The following SGMS1 variants were observed in gnomAD, a reference collection of about 807,000 sequenced individuals.
SGMS1 encodes phosphatidylcholine:ceramide cholinephosphotransferase 1.
Under a neutral mutation model 46.2 loss-of-function variants are expected in SGMS1, and 13 were observed. The ratio of observed to expected loss-of-function variants is 0.28; its 90% CI spans 0.18 to 0.45. SGMS1 has a LOEUF of 0.45. Among genes scored for constraint, SGMS1 ranks in the 20% least tolerant of loss-of-function variants. The pLI is 1.00. For missense variants in SGMS1, 324 were observed against 519.9 expected (o/e 0.62, Z 3.66); for synonymous variants, 203 against 187.8 (o/e 1.08, Z -0.66).
intron 3 of SGMS1, among the ~76,000 whole-genome samples, chr10:50,496,245 C>T (rs1837614333): frequency 6.6e-6 from 1 of 152,190 alleles, no homozygotes; most frequent in African/African-American, 2.4e-5. Context: ...TTTAATGGCT[C>T]TAAATGTCTT....
At chr10:50,553,689 C>T (rs1004389804) in intron 2 of SGMS1, among the ~76,000 whole-genome samples, 7 of 152,140 alleles carry the variant, frequency 4.6e-5, no homozygotes, top group Admixed American at 3.3e-4. Context: ...ACTCAATAAA[C>T]TATGACAGCT....
At chr10:50,553,423 A>G (rs1047260466) in intron 2 of SGMS1, among the ~76,000 whole-genome samples, 1 of 152,184 alleles carries the variant, frequency 6.6e-6, no homozygotes, top group African/African-American at 2.4e-5. Context: ...AGTACTTAGT[A>G]TATTTCCTGA....
chr10:50,494,321 T>C (rs1158775881), intron 3 of SGMS1, among the ~76,000 whole-genome samples: 3 of 152,172 alleles, frequency 2.0e-5, no homozygotes, highest in Non-Finnish European at 2.9e-5. Context: ...TAAAGATACA[T>C]GCATGCCTTA....
chr10:50,589,902 G>C (rs947087928), intron 2 of SGMS1, among the ~76,000 whole-genome samples: 1 of 152,134 alleles, frequency 6.6e-6, no homozygotes, highest in African/African-American at 2.4e-5. Flanking sequence ...GGTCTTTCAG[G>C]GAAGAATATC....
At chr10:50,332,588 C>G (rs1564877568) in intron 7 of SGMS1, among the ~76,000 whole-genome samples, 1 of 147,572 alleles carries the variant, frequency 6.8e-6, no homozygotes, top group African/African-American at 2.5e-5. Flanking sequence ...CTCCCTTCAA[C>G]ATGACATCTC....
intron 6 of SGMS1, among the ~76,000 whole-genome samples, chr10:50,386,604 T>G (rs1330494652): frequency 6.6e-6 from 1 of 152,130 alleles, no homozygotes. Flanking sequence ...TGGAGCTTCA[T>G]GCTCTGGCTC....
chr10:50,407,233 A>G (rs1355175883), intron 6 of SGMS1, among the ~76,000 whole-genome samples: 1 of 152,202 alleles, frequency 6.6e-6, no homozygotes, highest in Non-Finnish European at 1.5e-5. Flanking sequence ...TAAGTGATAT[A>G]TCATAGAATG....
intron 2 of SGMS1, among the ~76,000 whole-genome samples, chr10:50,586,195 A>T (rs1249074522): frequency 6.6e-6 from 1 of 152,158 alleles, no homozygotes; most frequent in Non-Finnish European, 1.5e-5. Flanking sequence ...TATAATGATG[A>T]CTCTACTCTC....
At chr10:50,311,744 GTA>G (rs1299612774) in intron 8 of SGMS1, among the ~76,000 whole-genome samples, 1 of 152,184 alleles carries the variant, frequency 6.6e-6, no homozygotes, top group Non-Finnish European at 1.5e-5. Context: ...AATTGCTTTA[GTA>G]TAACTATCAT....
chr10:50,574,984 T>TATATATATATATATATATATATATATAA (rs1466751231), intron 2 of SGMS1, among the ~76,000 whole-genome samples: 2 of 144,746 alleles, frequency 1.4e-5, no homozygotes, highest in Admixed American at 7.0e-5. Context: ...TATATATATA[T>TATATATATATATATATATATATATATAA]AAAACAAAGT....
At chr10:50,385,125 G>C (rs7097717) in intron 6 of SGMS1, among the ~76,000 whole-genome samples, 9,129 of 152,094 alleles carry the variant, frequency 0.06, 634 homozygotes, top group African/African-American at 0.17. Context: ...TGATTAAATT[G>C]AGGTTATGCA....
At chr10:50,320,889 C>G (rs1210891177) in intron 8 of SGMS1, among the ~76,000 whole-genome samples, 1 of 152,210 alleles carries the variant, frequency 6.6e-6, no homozygotes, top group Non-Finnish European at 1.5e-5. Flanking sequence ...GCAAATGGCT[C>G]TGCAAATCTA....
In SGMS1 at chr10:50,392,285, TTCTG is replaced by T. The variant is rs574739975; in HGVS notation, c.-232+41187_-232+41190del. Among the ~76,000 whole-genome samples the T allele has an allele frequency of 2.9e-3, 445 of 152,222 alleles. 2 individuals are homozygous for T. The highest frequency in any genetic ancestry group is 0.01 in the African/African-American group (422 of 41,526). On this transcript the variant is annotated intron_variant, in intron 6 of 10. Coordinates refer to ENST00000361781, the MANE Select transcript of SGMS1 (RefSeq NM_147156.4). ...TGATTAATTTGTAATGTCAAAAGTT[TTCTG>T]TCTATGTAATTAGAAAAACAAAATA...
At chr10:50,482,520 T>G (rs1324634186) in intron 3 of SGMS1, among the ~76,000 whole-genome samples, 1 of 152,216 alleles carries the variant, frequency 6.6e-6, no homozygotes, top group Non-Finnish European at 1.5e-5. Flanking sequence ...TCACCAGGCC[T>G]GCCTTGCGAG....
At chr10:50,579,301 CA>C (rs1189263919) in intron 2 of SGMS1, among the ~76,000 whole-genome samples, 2 of 152,008 alleles carry the variant, frequency 1.3e-5, no homozygotes, top group African/African-American at 4.8e-5. Flanking sequence ...GACAGTAAGT[CA>C]ATATCTAACA....
intron 7 of SGMS1, among the ~76,000 whole-genome samples, chr10:50,332,808 TAA>T (rs1847649980): frequency 6.6e-6 from 1 of 151,904 alleles, no homozygotes; most frequent in Non-Finnish European, 1.5e-5. Flanking sequence ...AAATTTTCTG[TAA>T]AGACAGGGTC....
chr10:50,408,460 AT>A (rs1252487663), intron 6 of SGMS1, among the ~76,000 whole-genome samples: 20 of 150,176 alleles, frequency 1.3e-4, no homozygotes, highest in Admixed American at 6.0e-4. Flanking sequence ...AAAAAACAAA[AT>A]AAAAACTTTT....
At chr10:50,363,036 G>C (rs1345664699) in intron 6 of SGMS1, among the ~76,000 whole-genome samples, 3 of 152,092 alleles carry the variant, frequency 2.0e-5, no homozygotes, top group African/African-American at 7.2e-5. Context: ...ATCTTTTTTG[G>C]GGGGTGAAAA....
intron 5 of SGMS1, among the ~76,000 whole-genome samples, chr10:50,454,050 C>CAAAAA (rs71846628): frequency 2.8e-3 from 269 of 97,444 alleles, no homozygotes; most frequent in Non-Finnish European, 3.3e-3. Context: ...TTTACATAGG[C>CAAAAA]AAAAAAAAAA....
Sources: allele counts gnomAD v4.1 joint callset (sites outside exome capture counted in the v4.1 genomes callset), GRCh38; gene constraint gnomAD v4.1.1; transcripts MANE v1.5; gene names NCBI Gene and HGNC (gene_info 2026-07-23, HGNC 2026-07-21).